Variants in FCHSD2 observed in about 807,000 individuals in gnomAD.
The protein encoded by FCHSD2 is F-BAR and double SH3 domains protein 2.
FCHSD2 carries 38 observed loss-of-function variants against 108.1 expected under a neutral mutation model. That is an observed-to-expected ratio of 0.35 (90% CI 0.27 to 0.46). The LOEUF (loss-of-function observed/expected upper bound fraction) is 0.46, where lower values mean the gene tolerates loss of function less well. FCHSD2 is among the 20% of genes least tolerant of loss of function. The pLI is 1.00. For synonymous variants in FCHSD2, 279 were observed against 314.7 expected, an observed-to-expected ratio of 0.89 and a Z score of 1.20; for missense variants, 751 against 897.8, an observed-to-expected ratio of 0.84 and a Z score of 2.09.
intron 2 of FCHSD2, among the ~76,000 whole-genome samples, chr11:73,103,407 T>C (rs1241486009): frequency 6.6e-6 from 1 of 152,198 alleles, no homozygotes; most frequent in Non-Finnish European, 1.5e-5. Flanking sequence ...TGCTTCCATT[T>C]TTATAAGATT....
intron 9 of FCHSD2, among the ~76,000 whole-genome samples, chr11:72,920,386 G>C (rs979871979): frequency 6.6e-6 from 1 of 152,156 alleles, no homozygotes; most frequent in Non-Finnish European, 1.5e-5. Flanking sequence ...CCAGGAAAAT[G>C]TAAGTTACCC....
chr11:72,935,712 T>G, intron 8 of FCHSD2, among the ~76,000 whole-genome samples: 1 of 152,368 alleles, frequency 6.6e-6, no homozygotes, highest in South Asian at 2.1e-4. Flanking sequence ...TCAGTTGATA[T>G]AAAGTAAAAT....
intron 13 of FCHSD2, among the ~76,000 whole-genome samples, chr11:72,853,770 T>C (rs569451567): frequency 1.3e-5 from 2 of 152,076 alleles, no homozygotes; most frequent in African/African-American, 2.4e-5. Context: ...CAAAGAACAA[T>C]AGAGTGAAAA....
intron 4 of FCHSD2, among the ~76,000 whole-genome samples, chr11:73,003,965 G>A (rs1857681845): frequency 6.6e-6 from 1 of 151,198 alleles, no homozygotes; most frequent in African/African-American, 2.4e-5. Flanking sequence ...AAATTAGCCA[G>A]GCGTTGTGGC....
intron 8 of FCHSD2, among the ~76,000 whole-genome samples, chr11:72,964,186 A>G (rs1173301225): frequency 1.3e-5 from 2 of 152,234 alleles, no homozygotes; most frequent in Non-Finnish European, 2.9e-5. Flanking sequence ...AATTACTTTT[A>G]AAGAAACAAA....
intron 2 of FCHSD2, among the ~76,000 whole-genome samples, chr11:73,135,651 A>T (rs930871128): frequency 6.6e-6 from 1 of 152,208 alleles, no homozygotes; most frequent in African/African-American, 2.4e-5. Context: ...AGCAAAAGTC[A>T]ACAGGAAACA....
At chr11:73,031,110 G>A (rs374372834) in intron 3 of FCHSD2, among the ~76,000 whole-genome samples, 6 of 152,126 alleles carry the variant, frequency 3.9e-5, no homozygotes, top group African/African-American at 1.4e-4. Flanking sequence ...AGTGAAATAA[G>A]CCAGATAGAA....
chr11:72,960,649 T>C (rs188201864), intron 8 of FCHSD2, among the ~76,000 whole-genome samples: 1 of 152,300 alleles, frequency 6.6e-6, no homozygotes, highest in Non-Finnish European at 1.5e-5. Context: ...TCCCATTCCT[T>C]TAAAGTTACA....
At chr11:73,069,310 C>CAAAAA (rs369961395) in intron 3 of FCHSD2, among the ~76,000 whole-genome samples, 1 of 45,976 alleles carries the variant, frequency 2.2e-5, no homozygotes, top group African/African-American at 8.5e-5. Flanking sequence ...AACTCTGTCT[C>CAAAAA]AAAAAAAAAA....
intron 2 of FCHSD2, among the ~76,000 whole-genome samples, chr11:73,125,793 A>G (rs956036896): frequency 2.6e-5 from 4 of 152,194 alleles, no homozygotes; most frequent in Admixed American, 2.6e-4. Context: ...GAAAAAAGAA[A>G]GAAAGAAAAT....
chr11:72,929,074 A>G (rs1856137379), intron 8 of FCHSD2, among the ~76,000 whole-genome samples: 1 of 152,198 alleles, frequency 6.6e-6, no homozygotes, highest in Admixed American at 6.5e-5. Context: ...ATGGCTGGAT[A>G]GTATTCCATG....
At chr11:73,140,255 T>C in intron 1 of FCHSD2, 127 bp from the exon 2 acceptor site, 1 of 527,272 alleles carries the variant, frequency 1.9e-6, no homozygotes, top group Non-Finnish European at 3.3e-6. Flanking sequence ...AAATCCAATA[T>C]TCGCCATCTA....
At chr11:72,950,438 T>C (rs528268435) in intron 8 of FCHSD2, among the ~76,000 whole-genome samples, 8 of 152,236 alleles carry the variant, frequency 5.3e-5, no homozygotes, top group South Asian at 4.1e-4. Flanking sequence ...ATTTTTTTTT[T>C]CCCTCAAAGA....
At chr11:72,932,433 T>A (rs1856212987) in intron 8 of FCHSD2, among the ~76,000 whole-genome samples, 1 of 152,222 alleles carries the variant, frequency 6.6e-6, no homozygotes, top group Admixed American at 6.5e-5. Context: ...GACCACATTA[T>A]CTGAACTTGG....
chr11:73,058,563 A>G (rs1485007650), intron 3 of FCHSD2, among the ~76,000 whole-genome samples: 1 of 151,782 alleles, frequency 6.6e-6, no homozygotes, highest in Non-Finnish European at 1.5e-5. Context: ...TTCTCTGATA[A>G]TGATTACTTG....
At chr11:73,077,478 A>AC (rs1859585137) in intron 3 of FCHSD2, 1 of 317,806 alleles carries the variant, frequency 3.1e-6, no homozygotes, top group Non-Finnish European at 6.1e-6. Flanking sequence ...TCCTTGGAAT[A>AC]CAGTTTGGCA....
At chr11:73,141,728 T>C (rs1451448960) in intron 1 of FCHSD2, 129 bp downstream of exon 1, 29 of 1,000,328 alleles carry the variant, frequency 2.9e-5, no homozygotes, top group Non-Finnish European at 4.0e-5. Context: ...CGGCGGCAAG[T>C]CGGTGACAAG....
chr11:72,923,188 CT>C (rs1489035968), intron 8 of FCHSD2, among the ~76,000 whole-genome samples: 1 of 152,070 alleles, frequency 6.6e-6, no homozygotes. Context: ...ATAAATTTGC[CT>C]TTTCCCCATT....
chr11:72,916,171 T>C (rs1855869868), intron 9 of FCHSD2, among the ~76,000 whole-genome samples: 2 of 152,118 alleles, frequency 1.3e-5, no homozygotes, highest in South Asian at 4.1e-4. Context: ...GACACAAGTT[T>C]ACCTACATAA....
Sources: allele counts gnomAD v4.1 joint callset (sites outside exome capture counted in the v4.1 genomes callset), GRCh38; gene constraint gnomAD v4.1.1; transcripts MANE v1.5; gene names NCBI Gene and HGNC (gene_info 2026-07-23, HGNC 2026-07-21).